Variants in KNG1 observed in about 807,000 individuals in gnomAD.
KNG1 encodes the protein kininogen 1.
KNG1 carries 23 observed loss-of-function variants against 47.8 expected under a neutral mutation model. The observed-to-expected ratio is 0.48, with a 90% CI of 0.35 to 0.68. The LOEUF (loss-of-function observed/expected upper bound fraction) is 0.68, where lower values mean the gene tolerates loss of function less well. KNG1 is among the 30% of genes least tolerant of loss of function. KNG1 has a pLI of 0.01. For missense variants in KNG1, 762 were observed against 790.2 expected (o/e 0.96, Z 0.43); for synonymous variants, 277 against 277.0 (o/e 1.00, Z 0.00).
rs574961094 is a variant in KNG1 at position 186,723,423 on chromosome 3, C to T, written c.391+902C>T. 1.4e-3 allele frequency among the ~76,000 whole-genome samples: 209 copies of T among 152,252 alleles called. 2 individuals carry two copies. The highest frequency in any genetic ancestry group is 1.1e-3 in the Non-Finnish European group (78 of 68,014). Reference sequence around the variant, plus strand: ...AACCTCTTCATTTCCCCCTTCTACCCGCTTACCCCGCTCAGCCTCTGGTAT... The same window carrying T: ...AACCTCTTCATTTCCCCCTTCTACCTGCTTACCCCGCTCAGCCTCTGGTAT... On this transcript the variant is annotated intron_variant, in intron 3 of 9. Coordinates refer to ENST00000644859, the MANE Select transcript of KNG1 (RefSeq NM_001102416.3).
intron 7 of KNG1, chr3:186,734,638 T>A (rs1720623477): frequency 6.6e-6 from 1 of 152,008 alleles, no homozygotes; most frequent in Non-Finnish European, 1.5e-5. Flanking sequence ...TTTGCCAAAG[T>A]AATGGCAAAA....
chr3:186,722,648 A>T, intron 3 of KNG1, 127 bp downstream of exon 3: 1 of 775,928 alleles, frequency 1.3e-6, no homozygotes, highest in South Asian at 1.5e-5. Context: ...TTGCAGAGTT[A>T]GGGAGCATTG....
In KNG1 at chr3:186,722,463, G is replaced by A; in HGVS notation, c.333G>A (p.Val111=). 6.2e-7 allele frequency: 1 copy of A among 1,613,884 alleles called. No homozygotes were observed. The highest frequency in any genetic ancestry group is 1.7e-5 in the Admixed American group (1 of 60,018). The change falls in exon 3 of 10, where the codon GTG becomes GTA. Residue 111 remains valine, a synonymous_variant. Transcript: ENST00000644859. The part of the protein sequence containing the change: ...KAATGECTAT[V]GKRSSTKFSV... The stretch of plus-strand genomic sequence containing the variant: ...CCACTGGAGAATGCACGGCAACCGT[G>A]GGGAAGAGGAGCAGTACGAAATTCT...
At chr3:186,723,994 T>A (rs1720279405) in intron 3 of KNG1, among the ~76,000 whole-genome samples, 2 of 152,312 alleles carry the variant, frequency 1.3e-5, no homozygotes, top group Admixed American at 1.3e-4. Flanking sequence ...GATGGACATT[T>A]AAGTTGATTT....
chr3:186,742,499 G>A lies in KNG1; in HGVS notation c.*168G>A, dbSNP rs1432258244. ...CAGTGGAGACACCATCAGTCTCCAC[G>A]GACTGCATAAAATTGTGTGCCACAA... On this transcript the variant is annotated 3_prime_UTR_variant, in exon 10 of 10. Coordinates refer to ENST00000644859, the MANE Select transcript of KNG1 (RefSeq NM_001102416.3). 72 of 1,445,014 alleles carry A rather than the reference G, an allele frequency of 5.0e-5. No homozygotes were observed. Among genetic ancestry groups the A allele is most frequent in the Middle Eastern group, 2.5e-4 (1 of 4,032 alleles). The allele number at this position is 1,445,014 out of a possible 1,614,324, so 89.5% of individuals were successfully genotyped here. A position where few individuals can be genotyped will look rare whatever the true frequency, so the allele number is the denominator to read the frequency against.
rs768936464 is a variant in KNG1, at chr3:186,727,286, A to T, written c.614A>T (p.Asn205Ile). 1.9e-6 allele frequency: 3 copies of T among 1,614,058 alleles called. No individual in the cohort carries two copies. The highest frequency in any genetic ancestry group is 1.6e-4 in the Middle Eastern group (1 of 6,062). Residue 205 changes from asparagine (N) to isoleucine (I), a missense_variant, in exon 5 of 10, where the codon AAT becomes ATT. Transcript: ENST00000644859. ...FRITYSIVQTNCSKENFLFLT... is the reference protein window; with the variant it reads ...FRITYSIVQTICSKENFLFLT... ...ATTACCTACTCAATTGTGCAAACGA[A>T]TTGTTCCAAAGAGAATTTTCTGTTC...
Position 186,743,612 on chromosome 3 carries a change from A to C in KNG1, c.*1281A>C. ...TTTTAAATAAACAACCACAGATGTCAGGAAAAAGTCTTACCTTGTCAACTG... is the reference window on the plus strand; with the variant it reads ...TTTTAAATAAACAACCACAGATGTCCGGAAAAAGTCTTACCTTGTCAACTG... On this transcript the variant is annotated 3_prime_UTR_variant, in exon 10 of 10. Transcript: ENST00000644859. 2 of 881,442 alleles carry C rather than the reference A, an allele frequency of 2.3e-6. No individual in the cohort carries two copies. The highest frequency in any genetic ancestry group is 3.8e-6 in the Non-Finnish European group (2 of 531,252). 54.6% of individuals were successfully genotyped at this position (881,442 alleles called of 1,614,324 possible).
chr3:186,720,805 T>TTTTTTTTTG (rs1553790786), intron 2 of KNG1, among the ~76,000 whole-genome samples: 10 of 140,076 alleles, frequency 7.1e-5, no homozygotes, highest in East Asian at 2.1e-4. Context: ...TTTTTTTTTT[T>TTTTTTTTTG]TTGAGCCAGA....
At chr3:186,732,276 G>T (rs1212717944) in intron 6 of KNG1, among the ~76,000 whole-genome samples, 2 of 152,262 alleles carry the variant, frequency 1.3e-5, no homozygotes, top group South Asian at 2.1e-4. Context: ...GGAGTTACTC[G>T]CACTTTCCTA....
chr3:186,737,979 T>G (rs548817117), intron 7 of KNG1, among the ~76,000 whole-genome samples: 1 of 151,662 alleles, frequency 6.6e-6, no homozygotes, highest in Non-Finnish European at 1.5e-5. Flanking sequence ...ATTAAAATAA[T>G]TTTTTTTTCT....
At chr3:186,731,135 C>T (rs959058970) in intron 5 of KNG1, among the ~76,000 whole-genome samples, 8 of 152,062 alleles carry the variant, frequency 5.3e-5, no homozygotes, top group African/African-American at 1.2e-4. Flanking sequence ...GTTCCTGCTA[C>T]GTTTATATTT....
intron 3 of KNG1, 145 bp downstream of exon 3, chr3:186,722,666 C>A: frequency 2.8e-6 from 2 of 709,990 alleles, no homozygotes; most frequent in Non-Finnish European, 5.0e-6. Flanking sequence ...TTGGGTGGAG[C>A]GGCAGAGCCC....
At position 186,743,825 on chromosome 3, in the gene KNG1, C is replaced by T; in HGVS notation, c.*1494C>T. 7.2e-7 allele frequency: 1 copy of T among 1,384,670 alleles called. No individual in the cohort carries two copies. 85.8% of individuals were successfully genotyped at this position (1,384,670 alleles called of 1,614,324 possible). On this transcript the variant is annotated 3_prime_UTR_variant, in exon 10 of 10. Coordinates refer to ENST00000644859, the MANE Select transcript of KNG1 (RefSeq NM_001102416.3). ...CTTCACTCCAGGCACATAGCCCCAACCACCTCTGCCAGCAACCTTGAGAGG... is the reference window on the plus strand; with the variant it reads ...CTTCACTCCAGGCACATAGCCCCAATCACCTCTGCCAGCAACCTTGAGAGG...
chr3:186,729,544 G>A (rs553147082), intron 5 of KNG1, among the ~76,000 whole-genome samples: 1 of 152,270 alleles, frequency 6.6e-6, no homozygotes, highest in East Asian at 1.9e-4. Flanking sequence ...GATGAAGCTT[G>A]AAAATATTAT....
At chr3:186,718,073 CCCACCACCACCAACCACCACCAT>C (rs1397872333) in intron 1 of KNG1, 7 of 269,180 alleles carry the variant, frequency 2.6e-5, no homozygotes, top group African/African-American at 4.5e-5. Flanking sequence ...CCACCCACCA[CCCACCACCACCAACCACCACCAT>C]CCACCACCAC....
chr3:186,717,978 C>A (rs1720049016), intron 1 of KNG1: 3 of 430,966 alleles, frequency 7.0e-6, no homozygotes, highest in African/African-American at 3.4e-5. Context: ...CACCCACCAC[C>A]ACCCACCATC....
Position 186,743,653 on chromosome 3 carries a change from A to T in KNG1, c.*1322A>T. On this transcript the variant is annotated 3_prime_UTR_variant, in exon 10 of 10. Transcript: ENST00000644859. ...TTGTCAACTGGTTGCTCCACTTTTT[A>T]AAAATGATTGAATGATAACATCATA... 1 of 1,407,986 alleles carries T rather than the reference A, an allele frequency of 7.1e-7. No individual in the cohort carries two copies. The highest frequency in any genetic ancestry group is 1.0e-6 in the Non-Finnish European group (1 of 993,820). 87.2% of individuals were successfully genotyped at this position (1,407,986 alleles called of 1,614,324 possible).
chr3:186,741,819 C>G lies in KNG1; in HGVS notation c.1423C>G (p.His475Asp). ...HEQQHGLGHG[H>D]KFKLDDDLEH... ...ACAACAGCATGGTCTTGGTCATGGA[C>G]ATAAGTTCAAACTTGATGATGATCT... Residue 475 changes from histidine (H) to aspartate (D), a missense_variant, in exon 10 of 10, where the codon CAT becomes GAT. By Grantham distance (81) the His-to-Asp change is moderately conservative (BLOSUM62 -1). Coordinates refer to ENST00000644859, the MANE Select transcript of KNG1 (RefSeq NM_001102416.3). The G allele has an allele frequency of 6.2e-7, 1 of 1,613,850 alleles. No homozygotes were observed. Among genetic ancestry groups the G allele is most frequent in the Non-Finnish European group, 8.5e-7 (1 of 1,179,860 alleles).
At chr3:186,726,806 C>G (rs560594405) in intron 4 of KNG1, among the ~76,000 whole-genome samples, 1 of 152,198 alleles carries the variant, frequency 6.6e-6, no homozygotes, top group South Asian at 2.1e-4. Context: ...ACCTGGGAGC[C>G]TGAGGACCCA....
Sources: gnomAD v4.1 joint callset for allele counts (sites outside exome capture counted in the v4.1 genomes callset) on GRCh38, gnomAD v4.1.1 for gene constraint, MANE v1.5 for transcripts, NCBI Gene and HGNC (gene_info 2026-07-23, HGNC 2026-07-21) for gene names.